Variants in DLC1 observed in about 807,000 individuals in gnomAD.
DLC1 encodes DLC1 Rho GTPase activating protein, also known as rho GTPase-activating protein 7.
A neutral mutation model predicts 140.3 loss-of-function variants in DLC1; 54 were observed. The ratio of observed to expected loss-of-function variants is 0.38; its 90% CI spans 0.31 to 0.48. The LOEUF is 0.48. DLC1 is among the 20% of genes least tolerant of loss of function. The pLI is 0.96. For missense variants in DLC1, 2,536 were observed against 1,907.0 expected (o/e 1.33, Z -6.14); for synonymous variants, 986 against 728.1 (o/e 1.35, Z -5.70).
intron 5 of DLC1, among the ~76,000 whole-genome samples, chr8:13,275,814 C>G (rs1232149704): frequency 6.6e-6 from 1 of 152,206 alleles, no homozygotes; most frequent in Non-Finnish European, 1.5e-5. Flanking sequence ...TCCACTGACA[C>G]ACAGACCTGC....
chr8:13,240,275 T>G (rs1829483975), intron 5 of DLC1, among the ~76,000 whole-genome samples: 1 of 152,196 alleles, frequency 6.6e-6, no homozygotes, highest in African/African-American at 2.4e-5. Flanking sequence ...TAGCCCAGAT[T>G]CAAAGGTGAA....
At chr8:13,445,512 A>T (rs982210766) in intron 2 of DLC1, among the ~76,000 whole-genome samples, 4 of 152,230 alleles carry the variant, frequency 2.6e-5, no homozygotes, top group Non-Finnish European at 5.9e-5. Context: ...GTATATGCAT[A>T]GGCACAAGGT....
chr8:13,382,745 A>G (rs1836334083), intron 4 of DLC1, among the ~76,000 whole-genome samples: 1 of 152,182 alleles, frequency 6.6e-6, no homozygotes. Context: ...ACCTGAGATG[A>G]TACTTCAGAG....
In DLC1 at chr8:13,571,281, C is replaced by G. The variant is rs76152282; in HGVS notation, c.-126+33256G>C. ...ATAGTACCATTCAGTAGCATGACAT[C>G]CATAATGTTGTGCAACCATCACCAC... On this transcript the variant is annotated intron_variant, in intron 1 of 1. Coordinates refer to the DLC1 transcript ENST00000631382. Among the ~76,000 whole-genome samples the G allele has an allele frequency of 5.5e-3, 840 of 152,230 alleles. 11 individuals carry two copies. Among genetic ancestry groups the G allele is most frequent in the Admixed American group, 0.028 (435 of 15,294 alleles).
chr8:13,214,370 G>A, intron 5 of DLC1: 1 of 366,926 alleles, frequency 2.7e-6, no homozygotes, highest in Non-Finnish European at 4.9e-6. Flanking sequence ...TAGCTTTCGG[G>A]ACCCTGTTGA....
At chr8:13,566,534 G>A (rs1804434348) in intron 1 of DLC1, among the ~76,000 whole-genome samples, 1 of 152,124 alleles carries the variant, frequency 6.6e-6, no homozygotes, top group South Asian at 2.1e-4. Context: ...CTTGTCCAGC[G>A]CGTTTTGCTT....
chr8:13,274,963 G>A lies in DLC1; in HGVS notation c.1348+30306C>T, dbSNP rs1397662175. 2.6e-5 allele frequency among the ~76,000 whole-genome samples: 4 copies of A among 152,164 alleles called. No individual in the cohort carries two copies. In the East Asian group the frequency reaches 7.7e-4, roughly 29 times the overall value. On this transcript the variant is annotated intron_variant, in intron 5 of 17. Transcript: ENST00000276297. ...ACTTCTTCTGGTTAATTGCAAATGA[G>A]ATCATACACCTTAAAGAGTTAAATA... is the stretch of plus-strand genomic sequence containing the variant.
chr8:13,258,876 G>T (rs1038377000), intron 5 of DLC1, among the ~76,000 whole-genome samples: 2 of 152,072 alleles, frequency 1.3e-5, no homozygotes, highest in African/African-American at 4.8e-5. Flanking sequence ...GGTGGCTCAC[G>T]CCTGTAATCC....
intron 5 of DLC1, among the ~76,000 whole-genome samples, chr8:13,216,466 T>C (rs887547406): frequency 1.9e-4 from 29 of 152,036 alleles, no homozygotes; most frequent in Non-Finnish European, 3.8e-4. Context: ...TCAAGTCCAT[T>C]TCTAGTTCCA....
At chr8:13,575,534 G>A (rs1804808741) in intron 1 of DLC1, among the ~76,000 whole-genome samples, 1 of 152,092 alleles carries the variant, frequency 6.6e-6, no homozygotes, top group Non-Finnish European at 1.5e-5. Context: ...TTTCTTATCA[G>A]CTAGCACAGA....
intron 5 of DLC1, among the ~76,000 whole-genome samples, chr8:13,118,344 A>C (rs1464864513): frequency 6.6e-6 from 1 of 152,236 alleles, no homozygotes; most frequent in Non-Finnish European, 1.5e-5. Flanking sequence ...AACAGTTTAT[A>C]CAATGGCTAA....
At chr8:13,271,834 C>G (rs1326827562) in intron 5 of DLC1, among the ~76,000 whole-genome samples, 1 of 152,182 alleles carries the variant, frequency 6.6e-6, no homozygotes, top group Admixed American at 6.5e-5. Context: ...CACCACCACG[C>G]CTGGCTAAAT....
intron 4 of DLC1, among the ~76,000 whole-genome samples, chr8:13,390,773 G>A (rs924875388): frequency 6.6e-6 from 1 of 152,080 alleles, no homozygotes; most frequent in Admixed American, 6.5e-5. Context: ...GGATCATGAG[G>A]TTAGGAGATC....
At chr8:13,453,491 CATAT>C (rs558559612) in intron 2 of DLC1, among the ~76,000 whole-genome samples, 1 of 17,962 alleles carries the variant, frequency 5.6e-5, no homozygotes, top group Admixed American at 8.5e-4. Flanking sequence ...TATATATATA[CATAT>C]ATATATGTAT....
intron 7 of DLC1, among the ~76,000 whole-genome samples, chr8:13,107,312 T>A (rs897274734): frequency 1.3e-5 from 2 of 152,246 alleles, no homozygotes; most frequent in African/African-American, 4.8e-5. Flanking sequence ...AAAGGAGCTG[T>A]AAGATCTGTA....
At chr8:13,456,426 C>G (rs1585140042) in intron 2 of DLC1, among the ~76,000 whole-genome samples, 1 of 151,594 alleles carries the variant, frequency 6.6e-6, no homozygotes, top group South Asian at 2.1e-4. Flanking sequence ...AGTAGATCTC[C>G]AATAACATAC....
chr8:13,359,215 G>T (rs1835102541), intron 4 of DLC1, among the ~76,000 whole-genome samples: 1 of 152,178 alleles, frequency 6.6e-6, no homozygotes, highest in African/African-American at 2.4e-5. Flanking sequence ...TGGGATTACA[G>T]GCGTGAGCCA....
rs113743611 is a variant in DLC1 at position 13,144,547 on chromosome 8, C to T, written c.1349-28890G>A. 9.6e-3 allele frequency among the ~76,000 whole-genome samples: 1,467 copies of T among 152,220 alleles called. 18 individuals are homozygous for T. Among genetic ancestry groups the T allele is most frequent in the African/African-American group, 0.033 (1,357 of 41,540 alleles). On this transcript the variant is annotated intron_variant, in intron 5 of 17. Coordinates refer to ENST00000276297, the MANE Select transcript of DLC1 (RefSeq NM_182643.3). The stretch of plus-strand genomic sequence containing the variant: ...TTGGGAGGCCGAGGCAGGCAGATCA[C>T]GAGATCAGGAGATCGAGAACATCCT...
At chr8:13,364,486 C>T (rs1835388996) in intron 4 of DLC1, among the ~76,000 whole-genome samples, 1 of 152,028 alleles carries the variant, frequency 6.6e-6, no homozygotes, top group Admixed American at 6.6e-5. Context: ...TTAGCAGAGA[C>T]AGATTTCTCC....
Sources: allele counts gnomAD v4.1 joint callset (sites outside exome capture counted in the v4.1 genomes callset), GRCh38; gene constraint gnomAD v4.1.1; transcripts MANE v1.5; gene names NCBI Gene and HGNC (gene_info 2026-07-23, HGNC 2026-07-21).